The following MEIS2 variants were observed in gnomAD, a reference collection of about 807,000 sequenced individuals.
MEIS2 encodes homeobox protein Meis2.
In MEIS2, 9 loss-of-function variants were observed where a neutral mutation model predicts 58.6. That is an observed-to-expected ratio of 0.15 (90% CI 0.09 to 0.27). The LOEUF (loss-of-function observed/expected upper bound fraction) is 0.27, where lower values mean the gene tolerates loss of function less well. Ranked by LOEUF, MEIS2 falls within the 10% of genes least tolerant of loss-of-function variation. MEIS2 has a pLI of 1.00. For synonymous variants in MEIS2, 221 were observed against 228.4 expected (o/e 0.97, Z 0.29); for missense variants, 427 against 635.0 (o/e 0.67, Z 3.52).
At chr15:37,026,976 G>T (rs1468775404) in intron 8 of MEIS2, among the ~76,000 whole-genome samples, 1 of 152,174 alleles carries the variant, frequency 6.6e-6, no homozygotes, top group African/African-American at 2.4e-5. Context: ...GTAAAAGCAT[G>T]AAAATGGCAT....
chr15:37,096,033 C>T, intron 3 of MEIS2: 1 of 476,584 alleles, frequency 2.1e-6, no homozygotes. Flanking sequence ...AGGCCAAGCC[C>T]CAGATTAGGA....
In MEIS2 at chr15:37,099,616, A is replaced by T; in HGVS notation, c.-150T>A. Reference sequence around the variant, plus strand: ...TCCAATATGCTATTTTTTAGGGGGGAAAAAAAGCCCAGTCTAGACAACGAA... The same window carrying T: ...TCCAATATGCTATTTTTTAGGGGGGTAAAAAAGCCCAGTCTAGACAACGAA... On this transcript the variant is annotated 5_prime_UTR_variant, in exon 1 of 12. Transcript: ENST00000561208. The T allele has an allele frequency of 9.1e-7, 1 of 1,103,162 alleles. No individual in the cohort carries two copies. The highest frequency in any genetic ancestry group is 1.3e-6 in the Non-Finnish European group (1 of 794,008). 68.3% of individuals were successfully genotyped at this position (1,103,162 alleles called of 1,614,324 possible).
intron 7 of MEIS2, 31 bp downstream of exon 7, chr15:37,083,740 C>T (rs1167669350): frequency 6.3e-7 from 1 of 1,586,584 alleles, no homozygotes; most frequent in Non-Finnish European, 8.6e-7. Context: ...GTCATGCCTA[C>T]TTTGCACGAG....
At chr15:37,009,243 C>G (rs557251598) in intron 8 of MEIS2, among the ~76,000 whole-genome samples, 13 of 151,998 alleles carry the variant, frequency 8.6e-5, no homozygotes, top group Admixed American at 4.6e-4. Flanking sequence ...GAGCCGAGAT[C>G]GCGCCACTGC....
chr15:37,066,314 A>G (rs1197602741), intron 7 of MEIS2: 1 of 152,208 alleles, frequency 6.6e-6, no homozygotes, highest in Non-Finnish European at 1.5e-5. Context: ...TAGAGAAATG[A>G]CATGAGGGTT....
At chr15:36,934,426 T>C (rs1455898938) in intron 9 of MEIS2, among the ~76,000 whole-genome samples, 1 of 152,222 alleles carries the variant, frequency 6.6e-6, no homozygotes, top group Non-Finnish European at 1.5e-5. Flanking sequence ...CTCAAGATGA[T>C]AGTTTAATTA....
chr15:36,980,635 CA>C (rs1316878739), intron 8 of MEIS2, among the ~76,000 whole-genome samples: 3 of 152,116 alleles, frequency 2.0e-5, no homozygotes, highest in African/African-American at 7.2e-5. Flanking sequence ...GGGACACAGC[CA>C]ACCCATAACA....
At chr15:37,080,356 C>G (rs1438388250) in intron 7 of MEIS2, among the ~76,000 whole-genome samples, 1 of 152,102 alleles carries the variant, frequency 6.6e-6, no homozygotes, top group African/African-American at 2.4e-5. Context: ...TTCATGTGCT[C>G]TAAACACTGA....
chr15:37,098,385 A>AGG (rs1278124644), intron 1 of MEIS2, 186 bp from the exon 2 acceptor site: 68 of 717,794 alleles, frequency 9.5e-5, no homozygotes, highest in African/African-American at 6.4e-4. Context: ...AGGGGGAGAG[A>AGG]GAGAGAGAGA....
intron 7 of MEIS2, among the ~76,000 whole-genome samples, chr15:37,065,119 A>G (rs1327374016): frequency 6.6e-6 from 1 of 152,182 alleles, no homozygotes; most frequent in African/African-American, 2.4e-5. Flanking sequence ...CATAGTCTCA[A>G]TTCAAAGTAT....
intron 9 of MEIS2, 101 bp from the exon 10 acceptor site, chr15:36,896,787 T>C (rs1234878978): frequency 2.1e-6 from 2 of 936,424 alleles, no homozygotes; most frequent in Non-Finnish European, 1.7e-6. Flanking sequence ...TCAAATCTCT[T>C]CTGAAAATTA....
intron 8 of MEIS2, among the ~76,000 whole-genome samples, chr15:36,980,148 C>T (rs1024767234): frequency 6.6e-6 from 1 of 151,940 alleles, no homozygotes; most frequent in African/African-American, 2.4e-5. Flanking sequence ...AAAATATTAA[C>T]CCCTACTTAG....
At chr15:36,924,850 T>C (rs998871552) in intron 9 of MEIS2, among the ~76,000 whole-genome samples, 1 of 152,126 alleles carries the variant, frequency 6.6e-6, no homozygotes, top group Non-Finnish European at 1.5e-5. Context: ...CTAATCAATC[T>C]CTCTTGCAAA....
At chr15:37,017,352 C>T (rs2141659496) in intron 8 of MEIS2, among the ~76,000 whole-genome samples, 1 of 152,242 alleles carries the variant, frequency 6.6e-6, no homozygotes, top group African/African-American at 2.4e-5. Flanking sequence ...CCTGTAATCC[C>T]TGCACTTTGG....
At chr15:36,894,500 T>C in intron 11 of MEIS2, 1 of 392,636 alleles carries the variant, frequency 2.5e-6, no homozygotes, top group South Asian at 2.9e-5. Flanking sequence ...TCCCACCTGC[T>C]TAAAACACAC....
chr15:36,999,483 AG>A (rs1363305864), intron 8 of MEIS2, among the ~76,000 whole-genome samples: 1 of 152,198 alleles, frequency 6.6e-6, no homozygotes, highest in African/African-American at 2.4e-5. Flanking sequence ...GAGCAAGGTA[AG>A]GGCATGCAGA....
intron 8 of MEIS2, among the ~76,000 whole-genome samples, chr15:36,978,702 A>G (rs1272635672): frequency 2.0e-5 from 3 of 152,222 alleles, no homozygotes; most frequent in Non-Finnish European, 2.9e-5. Flanking sequence ...TGTATCTTTT[A>G]CAAAAAAATC....
At chr15:36,998,662 A>G (rs1304886387) in intron 8 of MEIS2, among the ~76,000 whole-genome samples, 1 of 152,154 alleles carries the variant, frequency 6.6e-6, no homozygotes, top group African/African-American at 2.4e-5. Context: ...TTACAGTTTC[A>G]TCTGGTTAGG....
At chr15:36,967,153 T>C (rs978021126) in intron 8 of MEIS2, among the ~76,000 whole-genome samples, 8 of 152,210 alleles carry the variant, frequency 5.3e-5, no homozygotes, top group African/African-American at 1.9e-4. Context: ...ATGGGAGTTT[T>C]CTACATCAAT....
Sources: allele counts gnomAD v4.1 joint callset (sites outside exome capture counted in the v4.1 genomes callset), GRCh38; gene constraint gnomAD v4.1.1; transcripts MANE v1.5; gene names NCBI Gene and HGNC (gene_info 2026-07-23, HGNC 2026-07-21).